Variants in SMIM14 observed in about 807,000 individuals in gnomAD.
SMIM14 encodes chromosome 4 open reading frame 34.
SMIM14 carries 5 observed loss-of-function variants against 12.6 expected under a neutral mutation model. The observed-to-expected ratio is 0.40, with a 90% confidence interval of 0.21 to 0.83. SMIM14 has a LOEUF of 0.83. SMIM14 is among the 40% of genes least tolerant of loss of function. The pLI is 0.37. For synonymous variants in SMIM14, 30 were observed against 40.1 expected, an observed-to-expected ratio of 0.75 and a Z score of 0.95; for missense variants, 86 against 119.1, an observed-to-expected ratio of 0.72 and a Z score of 1.29.
intron 2 of SMIM14, among the ~76,000 whole-genome samples, chr4:39,595,885 G>A (rs1714338709): frequency 6.6e-6 from 1 of 151,970 alleles, no homozygotes; most frequent in South Asian, 2.1e-4. Context: ...AGAGTGCTGA[G>A]TTTACAGGGG....
At chr4:39,614,035 A>T (rs1715125137) in intron 1 of SMIM14, among the ~76,000 whole-genome samples, 1 of 151,954 alleles carries the variant, frequency 6.6e-6, no homozygotes, top group African/African-American at 2.4e-5. Flanking sequence ...TCTACTAAAA[A>T]TACAAAAATT....
At chr4:39,607,810 A>C (rs1470632361) in intron 1 of SMIM14, among the ~76,000 whole-genome samples, 1 of 152,246 alleles carries the variant, frequency 6.6e-6, no homozygotes, top group African/African-American at 2.4e-5. Context: ...TATTCACAAC[A>C]TATAAAGAAT....
intron 2 of SMIM14, among the ~76,000 whole-genome samples, chr4:39,578,314 G>A (rs1713306234): frequency 6.6e-6 from 1 of 152,096 alleles, no homozygotes; most frequent in South Asian, 2.1e-4. Context: ...CACCCAACTT[G>A]AGAATCTCAC....
At position 39,548,835 on chromosome 4, in the gene SMIM14, G is replaced by C. The variant is rs1413727218; in HGVS notation, c.*3291C>G. 2 of 152,176 alleles carry C rather than the reference G, an allele frequency of 1.3e-5. No individual in the cohort carries two copies. Among genetic ancestry groups the C allele is most frequent in the African/African-American group, 2.4e-5 (1 of 41,450 alleles). 9.4% of individuals were successfully genotyped at this position (152,176 alleles called of 1,614,324 possible). A position where few individuals can be genotyped will look rare whatever the true frequency, so the allele number is the denominator to read the frequency against. ...AAATAGATGGCTCATGTAGGAAAAA[G>C]CTAATATATGTAGATGTAATGTCAA... On this transcript the variant is annotated 3_prime_UTR_variant, in exon 5 of 5. Coordinates refer to ENST00000295958, the MANE Select transcript of SMIM14 (RefSeq NM_174921.3).
At chr4:39,619,876 A>ATATATATT (rs71192884) in intron 1 of SMIM14, among the ~76,000 whole-genome samples, 18 of 115,868 alleles carry the variant, frequency 1.6e-4, no homozygotes, top group African/African-American at 4.8e-4. Context: ...ATATATATAT[A>ATATATATT]TTTTTTTTTT....
chr4:39,559,961 T>A (rs1423081300), intron 3 of SMIM14, among the ~76,000 whole-genome samples: 2 of 144,988 alleles, frequency 1.4e-5, no homozygotes, highest in Non-Finnish European at 3.0e-5. Context: ...TACAAAAAAT[T>A]AAAAAAAAAA....
At chr4:39,619,904 G>T (rs1487106217) in intron 1 of SMIM14, among the ~76,000 whole-genome samples, 1 of 138,006 alleles carries the variant, frequency 7.2e-6, no homozygotes, top group Non-Finnish European at 1.5e-5. Context: ...GCAAGATAGG[G>T]ACTCACGCTC....
rs183600980 is a variant in SMIM14, at chr4:39,585,127, C to T, written c.76-12664G>A. On this transcript the variant is annotated intron_variant, in intron 2 of 4. Transcript: ENST00000295958. Reference sequence around the variant, plus strand: ...AGTATATAAGTGCCTAGAAATGTGACTAAAAGGTCCACAAACTTAATGTGA... The same window carrying T: ...AGTATATAAGTGCCTAGAAATGTGATTAAAAGGTCCACAAACTTAATGTGA... 4.6e-5 allele frequency among the ~76,000 whole-genome samples: 7 copies of T among 151,914 alleles called. No individual in the cohort carries two copies. The East Asian group carries it at 1.4e-3, about 29-fold the overall frequency.
chr4:39,606,408 CG>C (rs1397414355), intron 1 of SMIM14, among the ~76,000 whole-genome samples: 3 of 150,910 alleles, frequency 2.0e-5, no homozygotes, highest in African/African-American at 7.3e-5. Flanking sequence ...TTTGGGAGGC[CG>C]AGGTGGGTGG....
chr4:39,572,543 G>T, intron 2 of SMIM14, 80 bp from the exon 3 acceptor site: 1 of 1,253,412 alleles, frequency 8.0e-7, no homozygotes, highest in Non-Finnish European at 1.2e-6. Flanking sequence ...TCATGTTTTG[G>T]CCGGGTGCGG....
intron 2 of SMIM14, among the ~76,000 whole-genome samples, chr4:39,585,803 C>T (rs1426524572): frequency 1.3e-5 from 2 of 151,998 alleles, no homozygotes; most frequent in Non-Finnish European, 2.9e-5. Flanking sequence ...TGGGCAGAGG[C>T]CAACCGGTGT....
At chr4:39,600,547 G>A (rs192641687) in intron 2 of SMIM14, among the ~76,000 whole-genome samples, 122 of 152,126 alleles carry the variant, frequency 8.0e-4, no homozygotes, top group African/African-American at 2.6e-3. Flanking sequence ...AAAATTAGCC[G>A]AGCGTGGTGG....
At chr4:39,609,841 G>C (rs1332874072) in intron 1 of SMIM14, among the ~76,000 whole-genome samples, 3 of 152,216 alleles carry the variant, frequency 2.0e-5, no homozygotes, top group African/African-American at 4.8e-5. Flanking sequence ...TCTTTCAACA[G>C]ATCAGCGACA....
chr4:39,586,811 G>A (rs909586749), intron 2 of SMIM14, among the ~76,000 whole-genome samples: 13 of 152,160 alleles, frequency 8.5e-5, no homozygotes, highest in Admixed American at 2.0e-4. Context: ...GGGCCAGGTA[G>A]CTTACATACA....
At chr4:39,631,781 T>C (rs190845364) in intron 1 of SMIM14, among the ~76,000 whole-genome samples, 1,762 of 152,356 alleles carry the variant, frequency 0.012, 24 homozygotes, top group Non-Finnish European at 0.019. Context: ...TTTGAAATAC[T>C]TTTATTAGCT....
chr4:39,619,860 T>TTATATA lies in SMIM14; in HGVS notation c.-35-14686_-35-14681dup, dbSNP rs1163098013. Among the ~76,000 whole-genome samples the TTATATA allele has an allele frequency of 3.2e-3, 354 of 111,054 alleles. 2 individuals carry two copies. The highest frequency in any genetic ancestry group is 0.021 in the Middle Eastern group (4 of 194). 72.9% of individuals were successfully genotyped at this position (111,054 alleles called of 152,430 possible). Reference sequence around the variant, plus strand: ...AATGTATATATATATTTATATATATTTATATATATATATATATTTTTTTTT... The same window carrying TTATATA: ...AATGTATATATATATTTATATATATTTATATATATATATATATATATATTTTTTTTT... On this transcript the variant is annotated intron_variant, in intron 1 of 4. Coordinates refer to ENST00000295958, the MANE Select transcript of SMIM14 (RefSeq NM_174921.3).
At chr4:39,633,288 T>A (rs977243013) in intron 1 of SMIM14, among the ~76,000 whole-genome samples, 1 of 151,952 alleles carries the variant, frequency 6.6e-6, no homozygotes, top group African/African-American at 2.4e-5. Context: ...AGTGAGACTC[T>A]GTTTCAAAAA....
intron 2 of SMIM14, among the ~76,000 whole-genome samples, chr4:39,579,977 A>G (rs913589297): frequency 1.4e-5 from 2 of 147,144 alleles, no homozygotes; most frequent in African/African-American, 4.9e-5. Context: ...AAATTCTTCG[A>G]AAAAAAATTA....
At chr4:39,598,858 G>A (rs1482663359) in intron 2 of SMIM14, among the ~76,000 whole-genome samples, 3 of 130,724 alleles carry the variant, frequency 2.3e-5, no homozygotes, top group South Asian at 2.5e-4. Context: ...CCCATCCACC[G>A]CCCCCCTGCA....
Sources: gnomAD v4.1 joint callset for allele counts (sites outside exome capture counted in the v4.1 genomes callset) on GRCh38, gnomAD v4.1.1 for gene constraint, MANE v1.5 for transcripts, NCBI Gene and HGNC (gene_info 2026-07-23, HGNC 2026-07-21) for gene names.